Variants in UXS1 observed in about 807,000 individuals in gnomAD.
The protein encoded by UXS1 is UDP-glucuronate decarboxylase 1.
A neutral mutation model predicts 62.6 loss-of-function variants in UXS1; 33 were observed. That is an observed-to-expected ratio of 0.53 (90% CI 0.40 to 0.70). UXS1 has a LOEUF of 0.70. Ranked by LOEUF, UXS1 falls within the 30% of genes least tolerant of loss-of-function variation. UXS1 has a pLI of 0.00. For synonymous variants in UXS1, 213 were observed against 206.8 expected (o/e 1.03, Z -0.26); for missense variants, 434 against 556.3 (o/e 0.78, Z 2.21).
At chr2:106,104,772 G>A (rs917236502) in intron 11 of UXS1, 22 bp downstream of exon 11, 1 of 1,613,804 alleles carries the variant, frequency 6.2e-7, no homozygotes, top group Non-Finnish European at 8.5e-7. Flanking sequence ...GCTAAGGCTG[G>A]GGCAGGGCAG....
At chr2:106,138,487 C>T (rs1381760943) in intron 6 of UXS1, 2 of 985,382 alleles carry the variant, frequency 2.0e-6, no homozygotes, top group African/African-American at 3.5e-5. Flanking sequence ...CTGCAGGTCT[C>T]ACCCTTCAGG....
intron 6 of UXS1, 32 bp from the exon 7 acceptor site, chr2:106,129,810 C>T: frequency 3.4e-6 from 5 of 1,462,904 alleles, no homozygotes; most frequent in Non-Finnish European, 4.7e-6. Flanking sequence ...CCTATTACTT[C>T]AAAAAAGCAC....
chr2:106,096,720 C>G lies in UXS1; in HGVS notation c.1144G>C (p.Val382Leu). 2 of 1,566,878 alleles carry G rather than the reference C, an allele frequency of 1.3e-6. No individual in the cohort carries two copies. Among genetic ancestry groups the G allele is most frequent in the Non-Finnish European group, 1.7e-6 (2 of 1,154,342 alleles). The change falls in exon 14 of 15, where the codon GTG becomes CTG. Residue 382 changes from valine (V) to leucine (L), a missense_variant and splice_region_variant. By Grantham distance (32) the Val-to-Leu change is conservative (BLOSUM62 1). This residue lies in a region of UXS1 where 209 missense variants were observed against 233.3 expected (regional missense o/e 0.90). Coordinates refer to ENST00000283148, the MANE Select transcript of UXS1 (RefSeq NM_001253875.2). ...KAKLMLGWEP[V>L]VPLEEGLNKA... Reference sequence around the variant, plus strand: ...CAGCATTAACTCCCTGCACTTACCACGGGCTCCCACCCCAGCATCAGCTTT... The same window carrying G: ...CAGCATTAACTCCCTGCACTTACCAGGGGCTCCCACCCCAGCATCAGCTTT...
At chr2:106,175,215 T>C (rs527244065) in intron 1 of UXS1, among the ~76,000 whole-genome samples, 7 of 152,340 alleles carry the variant, frequency 4.6e-5, no homozygotes, top group African/African-American at 1.7e-4. Flanking sequence ...AGAGGGCACC[T>C]TGAGCACACT....
intron 7 of UXS1, among the ~76,000 whole-genome samples, chr2:106,128,988 T>C (rs1680202956): frequency 6.6e-6 from 1 of 152,218 alleles, no homozygotes; most frequent in East Asian, 1.9e-4. Context: ...TCAAAACCCC[T>C]GGAGTTTTTT....
chr2:106,143,433 A>AAAAAAAAAAAAG (rs1558719517), intron 6 of UXS1, among the ~76,000 whole-genome samples: 1 of 125,750 alleles, frequency 8.0e-6, no homozygotes, highest in African/African-American at 2.8e-5. Context: ...AAAAAAAAAA[A>AAAAAAAAAAAAG]AAAAAGGTAT....
chr2:106,138,359 C>CACAA, intron 6 of UXS1: 1 of 985,592 alleles, frequency 1.0e-6, no homozygotes, highest in Non-Finnish European at 1.2e-6. Context: ...CCTCACTAGA[C>CACAA]GATGAGCTCA....
At chr2:106,180,265 T>TA (rs1376002565) in intron 1 of UXS1, among the ~76,000 whole-genome samples, 1 of 152,246 alleles carries the variant, frequency 6.6e-6, no homozygotes, top group Non-Finnish European at 1.5e-5. Context: ...TGAACAGGAT[T>TA]AGCTGGAAGG....
At chr2:106,188,663 CA>C (rs1684730753) in intron 1 of UXS1, among the ~76,000 whole-genome samples, 1 of 152,186 alleles carries the variant, frequency 6.6e-6, no homozygotes. Flanking sequence ...AGTCTTGTGA[CA>C]ATAGCCCGGG....
chr2:106,127,643 G>A (rs1680073492), intron 7 of UXS1, among the ~76,000 whole-genome samples: 1 of 152,142 alleles, frequency 6.6e-6, no homozygotes, highest in Admixed American at 6.6e-5. Flanking sequence ...GTTACATAGA[G>A]GAAAGGGCCT....
intron 10 of UXS1, among the ~76,000 whole-genome samples, chr2:106,109,940 G>A (rs1678443123): frequency 6.6e-6 from 1 of 152,152 alleles, no homozygotes; most frequent in African/African-American, 2.4e-5. Flanking sequence ...GGAAATAGGT[G>A]GACACACCTC....
Position 106,129,740 on chromosome 2 carries a change from G to C in UXS1, c.511C>G (p.Pro171Ala), listed in dbSNP as rs766197781. The C allele has an allele frequency of 6.2e-7, 1 of 1,611,956 alleles. No homozygotes were observed. The highest frequency in any genetic ancestry group is 8.5e-7 in the Non-Finnish European group (1 of 1,178,892). ...IYHLASPASP[P>A]NYMYNPIKTL... ...TTGATAGGATTATACATGTAGTTTG[G>C]AGGGGAGGCTGGAGATGCCAGATGG... The change falls in exon 7 of 15, where the codon CCA becomes GCA. Residue 171 changes from proline to alanine, a missense_variant. Pro to Ala is a conservative substitution (Grantham distance 27, BLOSUM62 -1). Coordinates refer to ENST00000283148, the MANE Select transcript of UXS1 (RefSeq NM_001253875.2).
intron 1 of UXS1, among the ~76,000 whole-genome samples, chr2:106,186,769 G>C (rs962606311): frequency 2.6e-5 from 4 of 152,020 alleles, no homozygotes; most frequent in Admixed American, 6.5e-5. Flanking sequence ...AGTGAACTAA[G>C]ATCATGCCAC....
At chr2:106,131,270 C>G (rs1488783018) in intron 6 of UXS1, among the ~76,000 whole-genome samples, 1 of 146,534 alleles carries the variant, frequency 6.8e-6, no homozygotes. Flanking sequence ...CATGGAATCT[C>G]GCTGATTGCT....
rs548259116 is a variant in UXS1, at chr2:106,185,871, C to T, written c.94+8277G>A. ...AGGCAAAAGACAAGAAACCCTGGAG[C>T]CACAGAGGAGCATTCCGAGGGAGCT... On this transcript the variant is annotated intron_variant, in intron 1 of 14. Coordinates refer to ENST00000283148, the MANE Select transcript of UXS1 (RefSeq NM_001253875.2). 1.1e-3 allele frequency among the ~76,000 whole-genome samples: 163 copies of T among 152,256 alleles called. 1 individual carries two copies. The highest frequency in any genetic ancestry group is 3.8e-3 in the African/African-American group (156 of 41,536).
chr2:106,179,423 T>A (rs895959917), intron 1 of UXS1: 12 of 152,480 alleles, frequency 7.9e-5, no homozygotes, highest in African/African-American at 2.9e-4. Context: ...TTTCTTTGTA[T>A]CACCATGGAG....
intron 1 of UXS1, 103 bp downstream of exon 1, chr2:106,194,044 CG>C: frequency 1.2e-6 from 1 of 835,678 alleles, no homozygotes; most frequent in Non-Finnish European, 1.6e-6. Flanking sequence ...GGGAGCAACG[CG>C]GGGCTGCAGG....
At chr2:106,114,660 T>A (rs1401640971) in intron 9 of UXS1, among the ~76,000 whole-genome samples, 1 of 152,212 alleles carries the variant, frequency 6.6e-6, no homozygotes, top group Non-Finnish European at 1.5e-5. Context: ...TTCCGGAACA[T>A]GGCCTCATTA....
intron 13 of UXS1, among the ~76,000 whole-genome samples, chr2:106,098,438 T>C (rs1471777966): frequency 6.6e-6 from 1 of 152,242 alleles, no homozygotes; most frequent in East Asian, 1.9e-4. Context: ...CCATGTAGGA[T>C]GATCTAATAC....
Sources: gnomAD v4.1 joint callset for allele counts (sites outside exome capture counted in the v4.1 genomes callset) on GRCh38, gnomAD v4.1.1 for gene constraint, gnomAD v4.1.1 regional missense constraint, MANE v1.5 for transcripts, NCBI Gene and HGNC (gene_info 2026-07-23, HGNC 2026-07-21) for gene names.